THEMIS: variants seen among roughly 807,000 people sequenced by gnomAD.
THEMIS encodes the protein protein THEMIS.
In THEMIS, 37 loss-of-function variants were observed where a neutral mutation model predicts 52.6. That is an observed-to-expected ratio of 0.70 (90% CI 0.54 to 0.93). The LOEUF (loss-of-function observed/expected upper bound fraction) is 0.93. Ranked by LOEUF, THEMIS falls within the 40% of genes least tolerant of loss-of-function variation. The pLI, the probability that THEMIS is intolerant of heterozygous loss-of-function variation, is 0.00. For synonymous variants in THEMIS, 292 were observed against 272.7 expected (o/e 1.07, Z -0.70); for missense variants, 808 against 763.1 (o/e 1.06, Z -0.69).
chr6:127,795,923 A>C (rs1241585245), intron 4 of THEMIS, among the ~76,000 whole-genome samples: 1 of 152,246 alleles, frequency 6.6e-6, no homozygotes. Context: ...AACTGCTTCC[A>C]GAAAAGACAG....
In THEMIS at chr6:127,813,666, G is replaced by A; in HGVS notation, c.975C>T (p.Ser325=). The part of the protein sequence containing the change: ...ASRILASEIR[S]NFPKRHFLIP... ...TCAAGAAGTGTCTTTTAGGAAAATT[G>A]CTTCTAATTTCTGAAGCTAAGATTC... is the stretch of plus-strand genomic sequence containing the variant. The change falls in exon 4 of 6, where the codon AGC becomes AGT. Residue 325 remains serine, a synonymous_variant. Coordinates refer to ENST00000368248, the MANE Select transcript of THEMIS (RefSeq NM_001010923.3). 6.2e-7 allele frequency: 1 copy of A among 1,614,102 alleles called. No individual in the cohort carries two copies. The highest frequency in any genetic ancestry group is 8.5e-7 in the Non-Finnish European group (1 of 1,179,994).
At chr6:127,851,255 T>A (rs1779414489) in intron 2 of THEMIS, among the ~76,000 whole-genome samples, 1 of 149,008 alleles carries the variant, frequency 6.7e-6, no homozygotes, top group Non-Finnish European at 1.5e-5. Context: ...GCAAAAACTT[T>A]CAAAATTTGA....
intron 2 of THEMIS, among the ~76,000 whole-genome samples, chr6:127,830,291 T>C (rs1005879638): frequency 1.3e-5 from 2 of 152,238 alleles, no homozygotes; most frequent in Non-Finnish European, 2.9e-5. Flanking sequence ...TTAAATTTTT[T>C]ATTTTTAAAA....
chr6:127,776,717 C>T (rs1267709827), intron 4 of THEMIS, among the ~76,000 whole-genome samples: 1 of 152,140 alleles, frequency 6.6e-6, no homozygotes, highest in African/African-American at 2.4e-5. Context: ...ATTTTTTATG[C>T]AACAATAGAT....
intron 4 of THEMIS, among the ~76,000 whole-genome samples, chr6:127,789,034 C>A (rs74492463): frequency 1.3e-5 from 2 of 152,150 alleles, no homozygotes; most frequent in Non-Finnish European, 2.9e-5. Context: ...AAGATCAGAG[C>A]AGAACTGAAG....
intron 4 of THEMIS, among the ~76,000 whole-genome samples, chr6:127,755,334 AAGC>A (rs1265865378): frequency 6.6e-6 from 1 of 152,222 alleles, no homozygotes; most frequent in Admixed American, 6.5e-5. Context: ...CAGCCTAAAG[AAGC>A]TTTGGATTTC....
At chr6:127,717,793 A>C (rs1774222821) in intron 5 of THEMIS, among the ~76,000 whole-genome samples, 1 of 151,072 alleles carries the variant, frequency 6.6e-6, no homozygotes, top group South Asian at 2.1e-4. Flanking sequence ...ACATTAGAAA[A>C]GCAAAGCAGC....
intron 1 of THEMIS, among the ~76,000 whole-genome samples, chr6:127,879,976 C>T (rs1780431151): frequency 6.6e-6 from 1 of 152,140 alleles, no homozygotes. Context: ...AGCCCAGTCA[C>T]GCAGGTTACA....
chr6:127,893,052 T>C (rs981626736), intron 1 of THEMIS, among the ~76,000 whole-genome samples: 6 of 152,114 alleles, frequency 3.9e-5, no homozygotes, highest in Admixed American at 2.6e-4. Flanking sequence ...GTAGAGTTAG[T>C]CTTTCTTCCA....
intron 4 of THEMIS, among the ~76,000 whole-genome samples, chr6:127,764,198 C>T (rs1318428693): frequency 1.3e-5 from 2 of 151,904 alleles, no homozygotes; most frequent in African/African-American, 2.4e-5. Context: ...CCATTTAATA[C>T]TTATAAAACC....
upstream of THEMIS, among the ~76,000 whole-genome samples, chr6:127,902,060 C>T (rs1781148598): frequency 6.6e-6 from 1 of 151,954 alleles, no homozygotes; most frequent in African/African-American, 2.4e-5. Flanking sequence ...TACGGTGGCT[C>T]ATACCTGTAG....
intron 4 of THEMIS, among the ~76,000 whole-genome samples, chr6:127,799,842 T>C (rs1777472730): frequency 6.6e-6 from 1 of 152,216 alleles, no homozygotes; most frequent in African/African-American, 2.4e-5. Flanking sequence ...ACAAGTCATA[T>C]TCCCGAAGAA....
At chr6:127,771,920 A>G (rs1244482059) in intron 4 of THEMIS, among the ~76,000 whole-genome samples, 1 of 152,126 alleles carries the variant, frequency 6.6e-6, no homozygotes, top group Non-Finnish European at 1.5e-5. Context: ...CATAAGGCAT[A>G]TATGATCATA....
intron 1 of THEMIS, among the ~76,000 whole-genome samples, chr6:127,878,761 T>C (rs1401765847): frequency 6.6e-6 from 1 of 152,230 alleles, no homozygotes; most frequent in Non-Finnish European, 1.5e-5. Flanking sequence ...TACTGAGCAG[T>C]GAGCCTGTGG....
At chr6:127,809,711 C>G (rs1401229149) in intron 4 of THEMIS, among the ~76,000 whole-genome samples, 3 of 151,838 alleles carry the variant, frequency 2.0e-5, no homozygotes, top group Admixed American at 2.0e-4. Flanking sequence ...GGAGAAGAAA[C>G]CTGTTCCAAC....
At chr6:127,729,639 A>G (rs2114517523) in intron 4 of THEMIS, among the ~76,000 whole-genome samples, 1 of 152,154 alleles carries the variant, frequency 6.6e-6, no homozygotes, top group East Asian at 1.9e-4. Flanking sequence ...GACATACTTA[A>G]TCAATCATTC....
chr6:127,898,030 T>C (rs780427438), intron 1 of THEMIS, among the ~76,000 whole-genome samples: 1 of 151,666 alleles, frequency 6.6e-6, no homozygotes, highest in Non-Finnish European at 1.5e-5. Flanking sequence ...AAAGAATACA[T>C]ACTGTAATTT....
chr6:127,906,783 A>G (rs1371195567), intron 1 of THEMIS, among the ~76,000 whole-genome samples: 4 of 152,012 alleles, frequency 2.6e-5, no homozygotes, highest in African/African-American at 9.7e-5. Flanking sequence ...ATTAAATTAT[A>G]GTTAGTATCA....
intron 5 of THEMIS, among the ~76,000 whole-genome samples, chr6:127,718,475 T>C (rs1188120966): frequency 2.0e-5 from 3 of 151,940 alleles, no homozygotes; most frequent in African/African-American, 7.2e-5. Flanking sequence ...ACTACTGCTG[T>C]ACCATCCCAG....
Sources: gnomAD v4.1 joint callset for allele counts (sites outside exome capture counted in the v4.1 genomes callset) on GRCh38, gnomAD v4.1.1 for gene constraint, MANE v1.5 for transcripts, NCBI Gene and HGNC (gene_info 2026-07-23, HGNC 2026-07-21) for gene names.